ZMIZ1: variants seen among roughly 807,000 people sequenced by gnomAD.
ZMIZ1 encodes the protein zinc finger MIZ-type containing 1, also known as zinc finger MIZ domain-containing protein 1.
In ZMIZ1, 17 loss-of-function variants were observed where a neutral mutation model predicts 113.9. The ratio of observed to expected loss-of-function variants is 0.15; its 90% CI spans 0.10 to 0.22. The LOEUF is 0.22. Among genes scored for constraint, ZMIZ1 ranks in the 10% least tolerant of loss-of-function variants. The pLI, the probability that ZMIZ1 is intolerant of heterozygous loss-of-function variation, is 1.00. For synonymous variants in ZMIZ1, 607 were observed against 603.1 expected (o/e 1.01, Z -0.09); for missense variants, 1,059 against 1,477.8 (o/e 0.72, Z 4.65).
intron 7 of ZMIZ1, among the ~76,000 whole-genome samples, chr10:79,228,854 C>T (rs1379267598): frequency 6.6e-6 from 1 of 152,220 alleles, no homozygotes; most frequent in African/African-American, 2.4e-5. Context: ...TGACGTGGGC[C>T]TGGTTTAGCT....
intron 1 of ZMIZ1, among the ~76,000 whole-genome samples, chr10:79,098,625 G>A (rs1843250819): frequency 6.6e-6 from 1 of 152,254 alleles, no homozygotes; most frequent in Non-Finnish European, 1.5e-5. Flanking sequence ...GCCATACAGT[G>A]AGATTCAGAG....
At chr10:79,249,078 T>G (rs192992149) in intron 7 of ZMIZ1, among the ~76,000 whole-genome samples, 62 of 152,266 alleles carry the variant, frequency 4.1e-4, no homozygotes, top group African/African-American at 1.3e-3. Context: ...AGGCCAGGAC[T>G]GTGAAAAAAT....
intron 7 of ZMIZ1, among the ~76,000 whole-genome samples, chr10:79,234,830 G>A (rs988395786): frequency 9.2e-5 from 14 of 152,172 alleles, no homozygotes; most frequent in African/African-American, 2.9e-4. Flanking sequence ...AGCCTACCCA[G>A]CCAGACTTGG....
intron 1 of ZMIZ1, among the ~76,000 whole-genome samples, chr10:79,075,613 G>A (rs2132162943): frequency 6.6e-6 from 1 of 152,150 alleles, no homozygotes; most frequent in East Asian, 1.9e-4. Flanking sequence ...GCAAACGCAT[G>A]CACACCTGCA....
intron 4 of ZMIZ1, among the ~76,000 whole-genome samples, chr10:79,195,465 G>T (rs1306054821): frequency 6.6e-6 from 1 of 152,256 alleles, no homozygotes; most frequent in East Asian, 1.9e-4. Context: ...GGGCCAGGCC[G>T]ACAGTGATCT....
At chr10:79,075,557 CTGCACACACATGCACACACA>C (rs544887618) in intron 1 of ZMIZ1, among the ~76,000 whole-genome samples, 1 of 81,690 alleles carries the variant, frequency 1.2e-5, no homozygotes, top group Non-Finnish European at 2.6e-5. Context: ...CTGCACACAG[CTGCACACACATGCACACACA>C]TGCACACATG....
At chr10:79,225,197 A>G (rs535764937) in intron 7 of ZMIZ1, among the ~76,000 whole-genome samples, 3 of 152,370 alleles carry the variant, frequency 2.0e-5, no homozygotes, top group East Asian at 1.9e-4. Context: ...TTCCAGACTC[A>G]GTCACTGGCA....
chr10:79,283,615 G>C (rs1108616), intron 8 of ZMIZ1, among the ~76,000 whole-genome samples: 75,954 of 151,986 alleles, frequency 0.5, 19,138 homozygotes, highest in East Asian at 0.66. Context: ...TTATGTTAGG[G>C]CTTTGTTGCC....
At chr10:79,175,604 G>A (rs1052220582) in intron 4 of ZMIZ1, among the ~76,000 whole-genome samples, 4 of 136,124 alleles carry the variant, frequency 2.9e-5, no homozygotes, top group African/African-American at 6.3e-5. Context: ...GTGTGTGTGT[G>A]TGTGTGTGTG....
intron 4 of ZMIZ1, among the ~76,000 whole-genome samples, chr10:79,165,961 T>TGCGTGCGCGCATGCGCGCGCGC (rs1564692690): frequency 9.9e-5 from 2 of 20,138 alleles, no homozygotes; most frequent in African/African-American, 2.9e-4. Flanking sequence ...TGTGTGTGTG[T>TGCGTGCGCGCATGCGCGCGCGC]GTGTGTGTGT....
intron 2 of ZMIZ1, among the ~76,000 whole-genome samples, chr10:79,123,049 G>A (rs1295678684): frequency 1.3e-4 from 20 of 152,182 alleles, no homozygotes; most frequent in South Asian, 2.1e-4. Context: ...GTGGCTCGGC[G>A]GACTAGAGCC....
intron 3 of ZMIZ1, among the ~76,000 whole-genome samples, chr10:79,145,857 C>G (rs149619474): frequency 1.3e-5 from 2 of 152,306 alleles, no homozygotes; most frequent in East Asian, 3.9e-4. Context: ...TAGATGCATT[C>G]CAGCATGCCT....
At chr10:79,233,706 C>T (rs1849484055) in intron 7 of ZMIZ1, among the ~76,000 whole-genome samples, 1 of 151,022 alleles carries the variant, frequency 6.6e-6, no homozygotes, top group Non-Finnish European at 1.5e-5. Flanking sequence ...TGGCCCACAG[C>T]TCACCTTCCC....
At chr10:79,276,520 C>A (rs1852302244) in intron 7 of ZMIZ1, among the ~76,000 whole-genome samples, 4 of 152,212 alleles carry the variant, frequency 2.6e-5, no homozygotes, top group African/African-American at 7.2e-5. Context: ...CCACCCTGGC[C>A]ACCCTCTGCT....
At chr10:79,204,242 C>T (rs1328639484) in intron 5 of ZMIZ1, among the ~76,000 whole-genome samples, 1 of 152,192 alleles carries the variant, frequency 6.6e-6, no homozygotes, top group Non-Finnish European at 1.5e-5. Flanking sequence ...TTGGTTGTAG[C>T]CTTTGCTGGC....
At chr10:79,214,942 AC>A (rs1019489195) in intron 6 of ZMIZ1, among the ~76,000 whole-genome samples, 2 of 152,258 alleles carry the variant, frequency 1.3e-5, no homozygotes, top group African/African-American at 4.8e-5. Flanking sequence ...TTGCAAAGCC[AC>A]CCAAGGGTCC....
intron 5 of ZMIZ1, among the ~76,000 whole-genome samples, chr10:79,203,331 C>T (rs1848178776): frequency 6.6e-6 from 1 of 152,160 alleles, no homozygotes; most frequent in African/African-American, 2.4e-5. Context: ...TTGAAGAAGG[C>T]TTGTTACAGA....
At chr10:79,289,931 G>A (rs773590141) in intron 9 of ZMIZ1, 42 bp downstream of exon 9, 14 of 1,584,698 alleles carry the variant, frequency 8.8e-6, no homozygotes, top group Admixed American at 5.0e-5. Flanking sequence ...CTTTCTAGGC[G>A]GGAGTGTCCC....
intron 4 of ZMIZ1, among the ~76,000 whole-genome samples, chr10:79,172,095 A>C (rs948224742): frequency 6.6e-6 from 1 of 152,050 alleles, no homozygotes; most frequent in African/African-American, 2.4e-5. Flanking sequence ...ATAGGGTGCG[A>C]GGCCTCTGGG....
Sources: gnomAD v4.1 joint callset for allele counts (sites outside exome capture counted in the v4.1 genomes callset) on GRCh38, gnomAD v4.1.1 for gene constraint, MANE v1.5 for transcripts, NCBI Gene and HGNC (gene_info 2026-07-23, HGNC 2026-07-21) for gene names.